Variants in WFIKKN1 observed in about 807,000 individuals in gnomAD.
The protein encoded by WFIKKN1 is WAP, follistatin/kazal, immunoglobulin, kunitz and netrin domain containing 1.
WFIKKN1 carries 6 observed loss-of-function variants against 4.6 expected under a neutral mutation model. The observed-to-expected ratio is 1.31, with a 90% confidence interval of 0.72 to 2.59. The LOEUF is 2.59. Ranked by LOEUF, WFIKKN1 falls within the 30% of genes most tolerant of loss-of-function variation. WFIKKN1 has a pLI of 0.00. For missense variants in WFIKKN1, 964 were observed against 818.0 expected (o/e 1.18, Z -2.18); for synonymous variants, 468 against 367.4 (o/e 1.27, Z -3.13).
At chr16:631,566 C>T in intron 1 of WFIKKN1, 142 bp downstream of exon 1, 4 of 999,152 alleles carry the variant, frequency 4.0e-6, no homozygotes, top group Non-Finnish European at 5.5e-6. Flanking sequence ...AGAGACACCC[C>T]CATCGTTGCC....
intron 1 of WFIKKN1, 79 bp from the exon 2 acceptor site, chr16:632,503 G>C: frequency 7.2e-7 from 1 of 1,391,256 alleles, no homozygotes. Flanking sequence ...CCCCACCTGG[G>C]CCTCCCCTTG....
At position 631,179 on chromosome 16, in the gene WFIKKN1, C is replaced by T. The variant is rs2036944272; in HGVS notation, c.-75C>T. On this transcript the variant is annotated 5_prime_UTR_variant, in exon 1 of 2. Transcript: ENST00000319070. ...CACAGGCCCGGAGGGTGGATGCCTG[C>T]AGGAAGCTGGGCTCTGTGGAGCCCG... The T allele has an allele frequency of 5.5e-6, 8 of 1,464,340 alleles. No homozygotes were observed. Among genetic ancestry groups the T allele is most frequent in the Non-Finnish European group, 7.2e-6 (8 of 1,107,420 alleles). 90.7% of individuals were successfully genotyped at this position (1,464,340 alleles called of 1,614,324 possible).
intron 1 of WFIKKN1, chr16:632,238 G>C (rs1169928633): frequency 7.9e-6 from 2 of 251,982 alleles, no homozygotes; most frequent in African/African-American, 4.5e-5. Context: ...GCAGATGGTG[G>C]TGGGGGTGCT....
Position 633,772 on chromosome 16 carries a change from C to T in WFIKKN1, c.1362C>T (p.Ile454=), listed in dbSNP as rs766880234. The change falls in exon 2 of 2, where the codon ATC becomes ATT. Residue 454 remains isoleucine (I), a synonymous_variant. Coordinates refer to ENST00000319070, the MANE Select transcript of WFIKKN1 (RefSeq NM_053284.3). Reference sequence around the variant, plus strand: ...AGGAGCCCGAGGCCGCCGGCGGCATCGCCCGCGTGGCGCTCGAGGACGTGC... The same window carrying T: ...AGGAGCCCGAGGCCGCCGGCGGCATTGCCCGCGTGGCGCTCGAGGACGTGC... ...VLEEPEAAGG[I]ARVALEDVLK... 1.1e-5 allele frequency: 18 copies of T among 1,597,748 alleles called. No homozygotes were observed. Among genetic ancestry groups the T allele is most frequent in the Middle Eastern group, 1.7e-4 (1 of 6,044 alleles).
Position 632,955 on chromosome 16 carries a change from C to T in WFIKKN1, c.545C>T (p.Ala182Val), listed in dbSNP as rs752948422. 217 of 1,563,778 alleles carry T rather than the reference C, an allele frequency of 1.4e-4. 2 individuals carry two copies. The South Asian group carries it at 2.0e-3, about 15-fold the overall frequency. Residue 182 changes from alanine (A) to valine (V), a missense_variant, in exon 2 of 2, where the codon GCG (alanine) becomes GTG (valine). By Grantham distance (64) the Ala-to-Val change is moderately conservative. Coordinates refer to ENST00000319070, the MANE Select transcript of WFIKKN1 (RefSeq NM_053284.3). ...ETTARPTPGAAPVPPALYSSP... is the reference protein window; with the variant it reads ...ETTARPTPGAVPVPPALYSSP... ...ACTGCCCGCCCCACACCTGGGGCCG[C>T]GCCCGTGCCTCCTGCCCTGTACAGC...
In WFIKKN1 at chr16:633,398, CCGGCCCGTGGCTGTGATGGGG is replaced by C. The variant is rs1290007082; in HGVS notation, c.996_1016del (p.Cys334_Gly340del). ...GCAGCGGGGCGGCTGCATGACCTTC[CCGGCCCGTGGCTGTGATGGGG>C]CGGCCCGCGGCTTTGAGACCTACGA... is the stretch of plus-strand genomic sequence containing the variant. On this transcript the variant is annotated inframe_deletion, in exon 2 of 2. Transcript: ENST00000319070. 45 of 1,560,602 alleles carry C rather than the reference CCGGCCCGTGGCTGTGATGGGG, an allele frequency of 2.9e-5. No individual in the cohort carries two copies. The highest frequency in any genetic ancestry group is 3.4e-5 in the Non-Finnish European group (40 of 1,161,926).
chr16:631,669 C>T (rs1160196139), intron 1 of WFIKKN1: 1 of 376,862 alleles, frequency 2.7e-6, no homozygotes, highest in Admixed American at 4.7e-5. Flanking sequence ...TCGGCGACCA[C>T]CCCCACCCCG....
At chr16:631,516 G>A in intron 1 of WFIKKN1, 92 bp downstream of exon 1, 4 of 1,491,982 alleles carry the variant, frequency 2.7e-6, no homozygotes, top group Non-Finnish European at 3.5e-6. Flanking sequence ...GGGCTCCCCA[G>A]ACTTCTGGGG....
rs148968881 is a variant in WFIKKN1 at position 631,346 on chromosome 16, C to T, written c.93C>T (p.Gly31=). 3.2e-5 allele frequency: 51 copies of T among 1,607,338 alleles called. No individual in the cohort carries two copies. Among genetic ancestry groups the T allele is most frequent in the East Asian group, 8.9e-5 (4 of 44,834 alleles). The change falls in exon 1 of 2, where the codon GGC becomes GGT. Residue 31 remains glycine, a synonymous_variant. Coordinates refer to ENST00000319070, the MANE Select transcript of WFIKKN1 (RefSeq NM_053284.3). ...GLLPGLGSHP[G]VCPNQLSPNL... ...TGCCAGGGCTGGGGAGCCACCCGGG[C>T]GTGTGCCCCAACCAGCTCAGCCCCA...
rs1279372172 is a variant in WFIKKN1 at position 633,551 on chromosome 16, C to T, written c.1141C>T (p.Leu381=). Residue 381 remains leucine, a synonymous_variant, in exon 2 of 2, where the codon CTG becomes TTG. Coordinates refer to ENST00000319070, the MANE Select transcript of WFIKKN1 (RefSeq NM_053284.3). The part of the protein sequence containing the change: ...WEPRWAYSPL[L]QQCHPFVYGG... ...GCCGCGCTGGGCCTACAGCCCGCTG[C>T]TGCAGCAGTGCCATCCCTTCGTGTA... 2 of 1,542,570 alleles carry T rather than the reference C, an allele frequency of 1.3e-6. No homozygotes were observed. Among genetic ancestry groups the T allele is most frequent in the Non-Finnish European group, 8.7e-7 (1 of 1,153,004 alleles).
At position 633,974 on chromosome 16, in the gene WFIKKN1, G is replaced by T; in HGVS notation, c.1564G>T (p.Ala522Ser). The change falls in exon 2 of 2, where the codon GCC becomes TCC. Residue 522 changes from alanine to serine, a missense_variant. Ala to Ser is a moderately conservative substitution (Grantham distance 99). Coordinates refer to ENST00000319070, the MANE Select transcript of WFIKKN1 (RefSeq NM_053284.3). ...AVLDAGSYVR[A>S]ASEKRVKKIL... ...GCTGGACGCCGGCAGCTACGTCCGC[G>T]CCGCCAGCGAGAAGCGCGTCAAGAA... 1 of 1,599,136 alleles carries T rather than the reference G, an allele frequency of 6.3e-7. No individual in the cohort carries two copies. The highest frequency in any genetic ancestry group is 1.7e-4 in the Middle Eastern group (1 of 6,034).
Position 632,929 on chromosome 16 carries a change from C to G in WFIKKN1, c.519C>G (p.Thr173=), listed in dbSNP as rs773859194. Residue 173 remains threonine, a synonymous_variant, in exon 2 of 2, where the codon ACC becomes ACG. Transcript: ENST00000319070. ...WPPSSPGPPE[T]TARPTPGAAP... ...CCAGCAGCCCGGGGCCGCCGGAGAC[C>G]ACTGCCCGCCCCACACCTGGGGCCG... is the stretch of plus-strand genomic sequence containing the variant. 9 of 1,558,986 alleles carry G rather than the reference C, an allele frequency of 5.8e-6. No individual in the cohort carries two copies. Among genetic ancestry groups the G allele is most frequent in the Non-Finnish European group, 7.8e-6 (9 of 1,152,622 alleles).
At chr16:632,012 C>T in intron 1 of WFIKKN1, 1 of 144,424 alleles carries the variant, frequency 6.9e-6, no homozygotes, top group Non-Finnish European at 1.5e-5. Context: ...CCATCCACTT[C>T]TCCCACCCCT....
chr16:633,636 G>A lies in WFIKKN1; in HGVS notation c.1226G>A (p.Cys409Tyr). The A allele has an allele frequency of 6.4e-7, 1 of 1,568,144 alleles. No individual in the cohort carries two copies. Among genetic ancestry groups the A allele is most frequent in the Non-Finnish European group, 8.6e-7 (1 of 1,160,896 alleles). The change falls in exon 2 of 2, where the codon TGC (cysteine) becomes TAC (tyrosine). Residue 409 changes from cysteine (C) to tyrosine (Y), a missense_variant. Transcript: ENST00000319070. ...AGCCGCGAGAGCTGCGAGGATGCCT[G>A]CCCCGTGCCGCGCACACCGCCCTGC... ...FHSRESCEDA[C>Y]PVPRTPPCRA...
At position 633,649 on chromosome 16, in the gene WFIKKN1, C is replaced by G. The variant is rs757885192; in HGVS notation, c.1239C>G (p.Arg413=). 6.4e-7 allele frequency: 1 copy of G among 1,569,798 alleles called. No homozygotes were observed. Among genetic ancestry groups the G allele is most frequent in the Non-Finnish European group, 8.6e-7 (1 of 1,160,618 alleles). ...GCGAGGATGCCTGCCCCGTGCCGCG[C>G]ACACCGCCCTGCCGCGCCTGCCGCC... The part of the protein sequence containing the change: ...ESCEDACPVP[R]TPPCRACRLR... Residue 413 remains arginine (R), a synonymous_variant, in exon 2 of 2, where the codon CGC becomes CGG. Coordinates refer to ENST00000319070, the MANE Select transcript of WFIKKN1 (RefSeq NM_053284.3).
In WFIKKN1 at chr16:631,230, CGGCCCCCT is replaced by C; in HGVS notation, c.-20_-13del. 1 of 1,541,168 alleles carries C rather than the reference CGGCCCCCT, an allele frequency of 6.5e-7. No homozygotes were observed. Among genetic ancestry groups the C allele is most frequent in the Non-Finnish European group, 8.7e-7 (1 of 1,150,492 alleles). On this transcript the variant is annotated 5_prime_UTR_variant, in exon 1 of 2. Coordinates refer to ENST00000319070, the MANE Select transcript of WFIKKN1 (RefSeq NM_053284.3). Reference sequence around the variant, plus strand: ...AGGAGGGGCTGGTGGCCACACCCCCCGGCCCCCTGGCTCGGCGGCCCTCATGCCCGCCC... The same window carrying C: ...AGGAGGGGCTGGTGGCCACACCCCCCGGCTCGGCGGCCCTCATGCCCGCCC...
chr16:631,363 T>C lies in WFIKKN1; in HGVS notation c.110T>C (p.Leu37Pro), dbSNP rs755402719. Residue 37 changes from leucine (L) to proline (P), a missense_variant, in exon 1 of 2, where the codon CTC (leucine) becomes CCC (proline). Coordinates refer to ENST00000319070, the MANE Select transcript of WFIKKN1 (RefSeq NM_053284.3). Reference sequence around the variant, plus strand: ...CACCCGGGCGTGTGCCCCAACCAGCTCAGCCCCAACCTGTGGGTGGACGCC... The same window carrying C: ...CACCCGGGCGTGTGCCCCAACCAGCCCAGCCCCAACCTGTGGGTGGACGCC... ...GSHPGVCPNQLSPNLWVDAQS... is the reference protein window; with the variant it reads ...GSHPGVCPNQPSPNLWVDAQS... 1.2e-6 allele frequency: 2 copies of C among 1,608,892 alleles called. No individual in the cohort carries two copies. Among genetic ancestry groups the C allele is most frequent in the Non-Finnish European group, 1.7e-6 (2 of 1,179,470 alleles).
At position 634,069 on chromosome 16, in the gene WFIKKN1, G is replaced by A. The variant is rs929613919; in HGVS notation, c.*12G>A. 2 of 1,547,208 alleles carry A rather than the reference G, an allele frequency of 1.3e-6. No individual in the cohort carries two copies. The highest frequency in any genetic ancestry group is 1.7e-6 in the Non-Finnish European group (2 of 1,153,242). On this transcript the variant is annotated 3_prime_UTR_variant, in exon 2 of 2. Coordinates refer to ENST00000319070, the MANE Select transcript of WFIKKN1 (RefSeq NM_053284.3). ...GCTTCCAGGACTAGCCCCCGCAGGG[G>A]CCTGCGCCACCCCGTCCTGGTGAAT...
intron 1 of WFIKKN1, chr16:632,258 G>A (rs529098659): frequency 3.6e-6 from 1 of 276,958 alleles, no homozygotes; most frequent in Admixed American, 5.3e-5. Context: ...TGCAGCCGAT[G>A]TCCAGCCTTT....
Sources: allele counts gnomAD v4.1 joint callset, GRCh38; gene constraint gnomAD v4.1.1; transcripts MANE v1.5; gene names NCBI Gene and HGNC (gene_info 2026-07-23, HGNC 2026-07-21).